Variants in MXRA5 observed in about 807,000 individuals in gnomAD.
MXRA5 encodes the protein matrix-remodeling-associated protein 5.
MXRA5 carries 41 observed loss-of-function variants against 112.5 expected under a neutral mutation model. The observed-to-expected ratio is 0.36, with a 90% CI of 0.28 to 0.47. The LOEUF (loss-of-function observed/expected upper bound fraction) is 0.47. Among genes scored for constraint, MXRA5 ranks in the 20% least tolerant of loss-of-function variants. MXRA5 has a pLI of 0.99. For synonymous variants in MXRA5, 862 were observed against 900.8 expected (o/e 0.96, Z 0.77); for missense variants, 2,150 against 2,251.0 (o/e 0.96, Z 0.91).
Position 3,330,784 on chromosome X carries a change from G to A in MXRA5, c.189-11C>T, listed in dbSNP as rs1569186180. 9.4e-7 allele frequency: 1 copy of A among 1,058,552 alleles called. No individual in the cohort carries two copies. The highest frequency in any genetic ancestry group is 1.3e-6 in the Non-Finnish European group (1 of 787,483). 87.2% of individuals were successfully genotyped at this position (1,058,552 alleles called of 1,213,427 possible). On this transcript the variant is annotated splice_polypyrimidine_tract_variant and intron_variant, in intron 2 of 6. Coordinates refer to ENST00000217939, the MANE Select transcript of MXRA5 (RefSeq NM_015419.4). ...TGTATGCTATTAAACCTAAAGAATG[G>A]TAATAATAATAATAACAATAATAAT... is the stretch of plus-strand genomic sequence containing the variant.
In MXRA5 at chrX:3,322,319, G is replaced by C. The variant is rs1921332440; in HGVS notation, c.3366C>G (p.Asp1122Glu). ...PAETTVGTLL[D>E]KDTTTATTTP... ...TTGTTGTTGCTGTTGTGGTGTCTTT[G>C]TCTAGGAGGGTACCAACTGTGGTTT... The change falls in exon 5 of 7, where the codon GAC (aspartate) becomes GAG (glutamate). Residue 1122 changes from aspartate to glutamate, a missense_variant. This residue lies in a region of MXRA5 where 1,485 missense variants were observed against 1,471.6 expected (regional missense o/e 1.01). Transcript: ENST00000217939. 1 of 1,208,972 alleles carries C rather than the reference G, an allele frequency of 8.3e-7. No individual in the cohort carries two copies. Among genetic ancestry groups the C allele is most frequent in the Non-Finnish European group, 1.1e-6 (1 of 895,024 alleles).
chrX:3,324,234 G>C lies in MXRA5; in HGVS notation c.1451C>G (p.Ala484Gly). 1 of 1,211,546 alleles carries C rather than the reference G, an allele frequency of 8.3e-7. No individual in the cohort carries two copies. Among genetic ancestry groups the C allele is most frequent in the African/African-American group, 1.7e-5 (1 of 57,774 alleles). ...RSWVMIEPSG[A>G]VQRDQTVLEG... Reference sequence around the variant, plus strand: ...CAGGACAGTCTGATCTCTTTGCACAGCTCCACTAGGCTCAATCATTACCCA... The same window carrying C: ...CAGGACAGTCTGATCTCTTTGCACACCTCCACTAGGCTCAATCATTACCCA... Residue 484 changes from alanine to glycine, a missense_variant, in exon 5 of 7, where the codon GCT (alanine) becomes GGT (glycine). By Grantham distance (60) the Ala-to-Gly change is moderately conservative. Around this residue, in one of 6 missense-constraint regions of MXRA5, gnomAD observed 386 missense variants for 411.0 expected, o/e 0.94. Coordinates refer to ENST00000217939, the MANE Select transcript of MXRA5 (RefSeq NM_015419.4).
At chrX:3,341,214 AATAT>A (rs1208269522) in intron 2 of MXRA5, among the ~76,000 whole-genome samples, 5 of 50,249 alleles carry the variant, frequency 1.0e-4, no homozygotes, top group African/African-American at 3.7e-4. Context: ...AATATATAAT[AATAT>A]ATATAATGTA....
At position 3,311,629 on chromosome X, in the gene MXRA5, A is replaced by G. The variant is rs376441252; in HGVS notation, c.6579-5T>C. The G allele has an allele frequency of 2.2e-4, 262 of 1,187,258 alleles. No homozygotes were observed. The highest frequency in any genetic ancestry group is 2.9e-4 in the Non-Finnish European group (258 of 878,054). Reference sequence around the variant, plus strand: ...ACCTTGATTCTGCTATCAAAACTACAGAAAAAAAGAAAAAGGAGTAAGATG... The same window carrying G: ...ACCTTGATTCTGCTATCAAAACTACGGAAAAAAAGAAAAAGGAGTAAGATG... On this transcript the variant is annotated splice_region_variant and splice_polypyrimidine_tract_variant and intron_variant, in intron 6 of 6. Coordinates refer to ENST00000217939, the MANE Select transcript of MXRA5 (RefSeq NM_015419.4).
chrX:3,325,513 T>G (rs1470909684), intron 4 of MXRA5, among the ~76,000 whole-genome samples: 1 of 105,395 alleles, frequency 9.5e-6, no homozygotes, highest in African/African-American at 3.4e-5. Flanking sequence ...GATATATAGA[T>G]AGATAACATA....
In MXRA5 at chrX:3,321,217, C is replaced by T. The variant is rs756700725; in HGVS notation, c.4468G>A (p.Glu1490Lys). 4.0e-5 allele frequency: 48 copies of T among 1,209,601 alleles called. No individual in the cohort carries two copies. In the South Asian group the frequency reaches 8.1e-4, roughly 20 times the overall value. ...GTGGATGGGGACGAGGATGCTGGCT[C>T]CTTCATCCGGGCAGCAGTAGGGGTG... ...NHTPTAARMK[E>K]PASSSPSTIL... The change falls in exon 5 of 7, where the codon GAG becomes AAG. Residue 1490 changes from glutamate to lysine, a missense_variant. Glu to Lys is a moderately conservative substitution (Grantham distance 56). Coordinates refer to ENST00000217939, the MANE Select transcript of MXRA5 (RefSeq NM_015419.4).
chrX:3,330,358 G>C lies in MXRA5; in HGVS notation c.369C>G (p.Leu123=). 1 of 1,208,417 alleles carries C rather than the reference G, an allele frequency of 8.3e-7. No homozygotes were observed. The highest frequency in any genetic ancestry group is 2.2e-5 in the Admixed American group (1 of 45,859). The change falls in exon 4 of 7, where the codon CTC becomes CTG. Residue 123 remains leucine (L), a synonymous_variant. Coordinates refer to ENST00000217939, the MANE Select transcript of MXRA5 (RefSeq NM_015419.4). ...GCCTCATTAAGTTAGAGAGACCCTG[G>C]AGGGTCTGTCCTGTGATCACTCTCA... is the stretch of plus-strand genomic sequence containing the variant. ...NKLRVITGQT[L]QGLSNLMRLH...
intron 2 of MXRA5, among the ~76,000 whole-genome samples, chrX:3,334,944 C>A (rs1164133268): frequency 1.8e-5 from 2 of 111,576 alleles, no homozygotes; most frequent in Non-Finnish European, 3.8e-5. Context: ...TCTCCCGCCT[C>A]AGTTAATCGT....
In MXRA5 at chrX:3,310,243, T is replaced by G. The variant is rs756276096; in HGVS notation, c.7960A>C (p.Thr2654Pro). The G allele has an allele frequency of 8.3e-7, 1 of 1,211,390 alleles. No individual in the cohort carries two copies. The highest frequency in any genetic ancestry group is 2.2e-5 in the Admixed American group (1 of 46,049). ...GGAGGGGTGCAGGGGAGCTTCAGGG[T>G]CTCACCATTGATGATGCTGACCAGG... ...HNLVSIINGE[T>P]LKLPCTPPGA... The change falls in exon 7 of 7, where the codon ACC (threonine) becomes CCC (proline). Residue 2654 changes from threonine (T) to proline (P), a missense_variant. Thr to Pro is a conservative substitution (Grantham distance 38). Transcript: ENST00000217939.
At position 3,320,446 on chromosome X, in the gene MXRA5, G is replaced by A. The variant is rs779975747; in HGVS notation, c.5239C>T (p.Arg1747Trp). 10 of 1,211,297 alleles carry A rather than the reference G, an allele frequency of 8.3e-6. No homozygotes were observed. The highest frequency in any genetic ancestry group is 4.3e-5 in the Admixed American group (2 of 46,024). ...GGAGAAGTGGGTATCTGGGGTCTCC[G>A]GGTGACTCCCAACTGTGGAAAAGAA... ...TLSFPQLGVT[R>W]RPQIPTSPAP... Residue 1747 changes from arginine to tryptophan, a missense_variant, in exon 5 of 7, where the codon CGG becomes TGG. Around this residue, in one of 6 missense-constraint regions of MXRA5, gnomAD observed 1,485 missense variants for 1,471.6 expected, o/e 1.01. Transcript: ENST00000217939.
chrX:3,323,974 G>A lies in MXRA5; in HGVS notation c.1711C>T (p.Leu571Phe). ...GGCTGAGTGGAGGGAGACTGCACAA[G>A]TACCCTATATACCATGCGGTCCATT... ...DEMDRMVYRV[L>F]VQSPSTQPAE... The change falls in exon 5 of 7, where the codon CTT (leucine) becomes TTT (phenylalanine). Residue 571 changes from leucine (L) to phenylalanine (F), a missense_variant. Transcript: ENST00000217939. 1 of 1,205,564 alleles carries A rather than the reference G, an allele frequency of 8.3e-7. No homozygotes were observed. Among genetic ancestry groups the A allele is most frequent in the Non-Finnish European group, 1.1e-6 (1 of 891,936 alleles).
intron 2 of MXRA5, among the ~76,000 whole-genome samples, chrX:3,342,221 C>T (rs1569189024): frequency 9.1e-6 from 1 of 109,401 alleles, no homozygotes; most frequent in East Asian, 2.9e-4. Flanking sequence ...AGGGGAACAA[C>T]GCACACCAGG....
chrX:3,309,568 T>C lies in MXRA5; in HGVS notation c.*148A>G. The C allele has an allele frequency of 2.1e-6, 1 of 482,581 alleles. No individual in the cohort carries two copies. Among genetic ancestry groups the C allele is most frequent in the African/African-American group, 2.4e-5 (1 of 41,743 alleles). 39.8% of individuals were successfully genotyped at this position (482,581 alleles called of 1,213,427 possible). The stretch of plus-strand genomic sequence containing the variant: ...CATTGCTTCCTTTTCCCAACAATTG[T>C]AGATCAAGATCAACCTCAACTTGAA... On this transcript the variant is annotated 3_prime_UTR_variant, in exon 7 of 7. Transcript: ENST00000217939.
intron 4 of MXRA5, 112 bp downstream of exon 4, chrX:3,329,906 C>T (rs150596099): frequency 1.1e-6 from 1 of 930,272 alleles, no homozygotes; most frequent in Non-Finnish European, 1.4e-6. Context: ...CAGATTTCAT[C>T]GAAGCTCAGA....
At position 3,311,517 on chromosome X, in the gene MXRA5, T is replaced by A. The variant is rs1852653483; in HGVS notation, c.6686A>T (p.Asp2229Val). 2.5e-6 allele frequency: 3 copies of A among 1,211,855 alleles called. No homozygotes were observed. In the African/African-American group the frequency reaches 5.2e-5, roughly 21 times the overall value. Residue 2229 changes from aspartate (D) to valine (V), a missense_variant, in exon 7 of 7, where the codon GAT becomes GTT. Physicochemically the swap from Asp to Val is radical, Grantham distance 152. Around this residue, in one of 6 missense-constraint regions of MXRA5, gnomAD observed 1,485 missense variants for 1,471.6 expected, o/e 1.01. Coordinates refer to ENST00000217939, the MANE Select transcript of MXRA5 (RefSeq NM_015419.4). Reference sequence around the variant, plus strand: ...ATCCACTTTGAGCACCACGTAGTCATCACCAACCTTATTTCGAGCTACGCA... The same window carrying A: ...ATCCACTTTGAGCACCACGTAGTCAACACCAACCTTATTTCGAGCTACGCA... ...YLCVARNKVG[D>V]DYVVLKVDVV...
intron 2 of MXRA5, among the ~76,000 whole-genome samples, chrX:3,340,912 C>A (rs1285933862): frequency 1.1e-5 from 1 of 92,904 alleles, no homozygotes; most frequent in Admixed American, 1.4e-4. Flanking sequence ...CTTCCCAACA[C>A]ACAACACAAA....
intron 4 of MXRA5, among the ~76,000 whole-genome samples, chrX:3,325,192 C>T (rs2146924164): frequency 9.0e-6 from 1 of 111,273 alleles, no homozygotes; most frequent in South Asian, 3.8e-4. Flanking sequence ...ACTGCTTAAC[C>T]ATTAATAATA....
chrX:3,329,480 G>A (rs1244117231), intron 4 of MXRA5, among the ~76,000 whole-genome samples: 1 of 111,489 alleles, frequency 9.0e-6, no homozygotes, highest in African/African-American at 3.3e-5. Context: ...AGAGAAGGAA[G>A]GAAGGCAGAA....
At chrX:3,325,387 G>A (rs956669907) in intron 4 of MXRA5, among the ~76,000 whole-genome samples, 20 of 108,280 alleles carry the variant, frequency 1.8e-4, no homozygotes, top group African/African-American at 6.0e-4. Flanking sequence ...ATCTTTGCAC[G>A]TATCACATCA....
Sources: allele counts gnomAD v4.1 joint callset (sites outside exome capture counted in the v4.1 genomes callset), GRCh38; gene constraint gnomAD v4.1.1; regional missense constraint gnomAD v4.1.1; transcripts MANE v1.5; gene names NCBI Gene and HGNC (gene_info 2026-07-23, HGNC 2026-07-21).